Variants in PRSS23 observed in about 807,000 individuals in gnomAD.
PRSS23 encodes serine protease 23.
In PRSS23, 25 loss-of-function variants were observed where a neutral mutation model predicts 34.7. The ratio of observed to expected loss-of-function variants is 0.72; its 90% CI spans 0.53 to 1.01. PRSS23 has a LOEUF of 1.01. Ranked by LOEUF, PRSS23 falls within the 50% of genes least tolerant of loss-of-function variation. PRSS23 has a pLI of 0.00. For synonymous variants in PRSS23, 176 were observed against 186.6 expected, an observed-to-expected ratio of 0.94 and a Z score of 0.46; for missense variants, 445 against 475.6, an observed-to-expected ratio of 0.94 and a Z score of 0.60.
intron 2 of PRSS23, among the ~76,000 whole-genome samples, chr11:86,860,182 G>A (rs960863487): frequency 6.6e-6 from 1 of 151,840 alleles, no homozygotes; most frequent in African/African-American, 2.4e-5. Flanking sequence ...ATGGGGAGAG[G>A]AAGATATTAC....
chr11:86,828,379 T>C (rs1190044984), intron 2 of PRSS23, among the ~76,000 whole-genome samples: 3 of 152,238 alleles, frequency 2.0e-5, no homozygotes, highest in Non-Finnish European at 2.9e-5. Flanking sequence ...ATTTTGTGCC[T>C]GTGTGTGTCT....
chr11:86,849,139 C>T (rs1948510794), intron 2 of PRSS23, among the ~76,000 whole-genome samples: 1 of 152,190 alleles, frequency 6.6e-6, no homozygotes, highest in South Asian at 2.1e-4. Context: ...CATTGAGGGC[C>T]AGGAAGTACA....
chr11:86,941,734 G>A (rs573142628), intron 2 of PRSS23, among the ~76,000 whole-genome samples: 18 of 152,130 alleles, frequency 1.2e-4, no homozygotes, highest in African/African-American at 3.4e-4. Flanking sequence ...TGGGGTAGTC[G>A]ATCATTCCCT....
In PRSS23 at chr11:86,941,245, A is replaced by T. The variant is rs117336858; in HGVS notation, c.207-9971A>T. 2.8e-4 allele frequency among the ~76,000 whole-genome samples: 42 copies of T among 152,314 alleles called. No homozygotes were observed. The East Asian group carries it at 7.5e-3, about 27-fold the overall frequency. On this transcript the variant is annotated intron_variant, in intron 2 of 2. Transcript: ENST00000533902. The stretch of plus-strand genomic sequence containing the variant: ...GAACTGTTTGCCCATTACACTGGGT[A>T]CTCAGAAACTGTTCTATTCAAGCTA...
chr11:86,916,523 C>T (rs371894657), intron 2 of PRSS23, among the ~76,000 whole-genome samples: 1 of 152,128 alleles, frequency 6.6e-6, no homozygotes, highest in Admixed American at 6.6e-5. Flanking sequence ...CTGGGTGTGC[C>T]TCATACTGAC....
chr11:86,797,055 T>G (rs966011588), upstream of PRSS23, among the ~76,000 whole-genome samples: 2 of 152,264 alleles, frequency 1.3e-5, no homozygotes, highest in African/African-American at 4.8e-5. Flanking sequence ...TTTCTCTCCC[T>G]GACAGCCCAA....
chr11:86,930,933 G>A (rs1393061687), intron 2 of PRSS23, among the ~76,000 whole-genome samples: 1 of 152,170 alleles, frequency 6.6e-6, no homozygotes, highest in Admixed American at 6.6e-5. Context: ...GGAAGATGCA[G>A]GAAGGAGTAG....
At position 86,808,883 on chromosome 11, in the gene PRSS23, CGTGTGTGT is replaced by C; in HGVS notation, c.*107_*114del. Reference sequence around the variant, plus strand: ...TTGTTTTTTGTCATTGGCGTGCACACGTGTGTGTGTGTGTGTGTGTGTGTGTAAGGTGT... The same window carrying C: ...TTGTTTTTTGTCATTGGCGTGCACACGTGTGTGTGTGTGTGTGTAAGGTGT... On this transcript the variant is annotated 3_prime_UTR_variant, in exon 2 of 2. Coordinates refer to ENST00000280258, the MANE Select transcript of PRSS23 (RefSeq NM_007173.6). 7.9e-6 allele frequency: 7 copies of C among 887,394 alleles called. No homozygotes were observed. Among genetic ancestry groups the C allele is most frequent in the Non-Finnish European group, 1.2e-5 (7 of 569,522 alleles). The allele number at this position is 887,394 out of a possible 1,614,324, so 55.0% of individuals were successfully genotyped here.
In PRSS23 at chr11:86,878,763, A is replaced by C. The variant is rs554297444; in HGVS notation, c.206+55170A>C. On this transcript the variant is annotated intron_variant, in intron 2 of 2. Transcript: ENST00000533902. ...GAGGAGCCCCACTGCCTGGCTACCCAGTCTGGAAAGTGAGGAGCGTCTCTG... is the reference window on the plus strand; with the variant it reads ...GAGGAGCCCCACTGCCTGGCTACCCCGTCTGGAAAGTGAGGAGCGTCTCTG... Among the ~76,000 whole-genome samples, 4 of 150,886 alleles carry C rather than the reference A, an allele frequency of 2.7e-5. No homozygotes were observed. The South Asian group carries it at 8.5e-4, about 32-fold the overall frequency.
chr11:86,931,339 C>A (rs556690943), intron 2 of PRSS23, among the ~76,000 whole-genome samples: 7 of 152,174 alleles, frequency 4.6e-5, no homozygotes, highest in Non-Finnish European at 1.0e-4. Context: ...AAAAAAGCCA[C>A]TAAATTTCCA....
intron 2 of PRSS23, chr11:86,833,611 A>G (rs941892868): frequency 4.9e-6 from 1 of 203,392 alleles, no homozygotes; most frequent in Non-Finnish European, 1.0e-5. Flanking sequence ...TTTCCCTCCC[A>G]CTGTGCTCTC....
chr11:86,890,649 G>C (rs903317355), intron 2 of PRSS23, among the ~76,000 whole-genome samples: 1 of 152,154 alleles, frequency 6.6e-6, no homozygotes, highest in African/African-American at 2.4e-5. Context: ...GGCTGTACAC[G>C]GGATTGAGGC....
At chr11:86,865,380 G>A (rs944386964) in intron 2 of PRSS23, among the ~76,000 whole-genome samples, 31 of 152,280 alleles carry the variant, frequency 2.0e-4, no homozygotes, top group Admixed American at 1.6e-3. Context: ...TATGCAAAGC[G>A]CCTGGTACAT....
intron 2 of PRSS23, among the ~76,000 whole-genome samples, chr11:86,845,547 G>A (rs1354110311): frequency 6.6e-6 from 1 of 152,196 alleles, no homozygotes; most frequent in African/African-American, 2.4e-5. Flanking sequence ...CAGAATGAGA[G>A]GAGGTGCCAG....
At chr11:86,842,400 CCAATT>C (rs1006824792) in intron 2 of PRSS23, among the ~76,000 whole-genome samples, 1 of 152,188 alleles carries the variant, frequency 6.6e-6, no homozygotes, top group African/African-American at 2.4e-5. Context: ...TCTCACCACT[CCAATT>C]CAACATAGTG....
intron 1 of PRSS23, among the ~76,000 whole-genome samples, chr11:86,817,141 T>C (rs1475888978): frequency 6.6e-6 from 1 of 151,674 alleles, no homozygotes; most frequent in African/African-American, 2.4e-5. Flanking sequence ...AGCCTTTTTT[T>C]GTGATTTTTT....
intron 2 of PRSS23, among the ~76,000 whole-genome samples, chr11:86,858,581 A>G (rs1948589775): frequency 6.6e-6 from 1 of 150,932 alleles, no homozygotes. Context: ...ACAACTCCCT[A>G]TATTTTTGTT....
intron 2 of PRSS23, among the ~76,000 whole-genome samples, chr11:86,890,270 CA>C (rs555153865): frequency 3.1e-4 from 44 of 142,948 alleles, no homozygotes; most frequent in Non-Finnish European, 2.9e-4. Context: ...ATTCCATCTC[CA>C]AAAAAAAAAA....
intron 2 of PRSS23, among the ~76,000 whole-genome samples, chr11:86,907,136 A>G (rs545662039): frequency 6.6e-6 from 1 of 152,360 alleles, no homozygotes; most frequent in Admixed American, 6.5e-5. Context: ...TGCTATTCAC[A>G]TAAAACATGA....
Sources: gnomAD v4.1 joint callset for allele counts (sites outside exome capture counted in the v4.1 genomes callset) on GRCh38, gnomAD v4.1.1 for gene constraint, MANE v1.5 for transcripts, NCBI Gene and HGNC (gene_info 2026-07-23, HGNC 2026-07-21) for gene names.